Variants in PLA2G2C observed in about 807,000 individuals in gnomAD.
The protein encoded by PLA2G2C is phospholipase A2 group IIC.
In PLA2G2C, 15 loss-of-function variants were observed where a neutral mutation model predicts 14.3. That is an observed-to-expected ratio of 1.05 (90% CI 0.70 to 1.62). PLA2G2C has a LOEUF of 1.62. Ranked by LOEUF, PLA2G2C falls within the 40% of genes most tolerant of loss-of-function variation. The probability of loss-of-function intolerance (pLI) is 0.00; values close to 1 mark genes in which losing one functional copy is unlikely to be tolerated. For synonymous variants in PLA2G2C, 79 were observed against 67.7 expected, an observed-to-expected ratio of 1.17 and a Z score of -0.82; for missense variants, 162 against 173.2, an observed-to-expected ratio of 0.94 and a Z score of 0.36.
chr1:20,166,877 C>T (rs959795228), intron 4 of PLA2G2C, among the ~76,000 whole-genome samples: 1 of 152,202 alleles, frequency 6.6e-6, no homozygotes, highest in Non-Finnish European at 1.5e-5. Flanking sequence ...TGTGGCATTC[C>T]TCAACCATGG....
chr1:20,170,969 A>T lies in PLA2G2C; in HGVS notation c.283+1825T>A. Among the ~76,000 whole-genome samples, 2 of 140,542 alleles carry T rather than the reference A, an allele frequency of 1.4e-5. 1 individual carries two copies. 92.2% of individuals were successfully genotyped at this position (140,542 alleles called of 152,430 possible). ...CTCAACCTTTGCTCCACTCTCCCTC[A>T]TCTCCTGGGGTCCTGGGCTGGGAGG... On this transcript the variant is annotated intron_variant, in intron 4 of 4. Transcript: ENST00000679259.
At chr1:20,172,717 C>G in intron 4 of PLA2G2C, 77 bp downstream of exon 4, 12 of 1,254,024 alleles carry the variant, frequency 9.6e-6, no homozygotes, top group Non-Finnish European at 2.3e-6. Flanking sequence ...TCTAAAAGAT[C>G]TCTGGGTCAA....
At chr1:20,178,711 CAAAG>C (rs755701390) in intron 1 of PLA2G2C, among the ~76,000 whole-genome samples, 6 of 152,144 alleles carry the variant, frequency 3.9e-5, no homozygotes, top group Non-Finnish European at 8.8e-5. Context: ...TTTAGAGAAA[CAAAG>C]AAAGGGACCT....
At chr1:20,186,010 C>T (rs1557791967) in intron 1 of PLA2G2C, 1 of 151,446 alleles carries the variant, frequency 6.6e-6, no homozygotes, top group Non-Finnish European at 1.5e-5. Context: ...CACCCGACCC[C>T]ACCCGACCCC....
chr1:20,179,360 G>A (rs908603929), intron 1 of PLA2G2C, among the ~76,000 whole-genome samples: 1 of 151,792 alleles, frequency 6.6e-6, no homozygotes, highest in Non-Finnish European at 1.5e-5. Context: ...GGCTCTGTGC[G>A]TGTGTGTGTC....
Position 20,164,153 on chromosome 1 carries a change from T to A in PLA2G2C, c.288A>T (p.Gly96=), listed in dbSNP as rs144526343. The A allele has an allele frequency of 2.1e-5, 34 of 1,612,534 alleles. No homozygotes were observed. The African/African-American group carries it at 3.7e-4, about 18-fold the overall frequency. ...AGCTGGCACCAGGACCAAGGGTGCATCCACCTACAGAGACACAGAGGGTCA... is the reference window on the plus strand; with the variant it reads ...AGCTGGCACCAGGACCAAGGGTGCAACCACCTACAGAGACACAGAGGGTCA... ...FHIVNGAVVC[G]CTLGPGASCH... is the part of the protein sequence containing the mutation. Residue 96 remains glycine, a synonymous_variant, in exon 5 of 5, where the codon GGA becomes GGT. Transcript: ENST00000679259.
intron 4 of PLA2G2C, among the ~76,000 whole-genome samples, chr1:20,171,803 C>T (rs1260628402): frequency 6.8e-6 from 1 of 147,290 alleles, no homozygotes; most frequent in Non-Finnish European, 1.5e-5. Context: ...GCTCTGTGGC[C>T]CAGGCGGGAG....
rs6656531 is a variant in PLA2G2C at position 20,163,734 on chromosome 1, T to A, written c.*257A>T. On this transcript the variant is annotated 3_prime_UTR_variant, in exon 5 of 5. Coordinates refer to ENST00000679259, the MANE Select transcript of PLA2G2C (RefSeq NM_001367969.2). ...TACTTCTATATCCATGCATTTGTAG[T>A]CCTCCCCACTCCACAGAATGCCAGC... 4.5e-4 allele frequency: 214 copies of A among 474,456 alleles called. No homozygotes were observed. Among genetic ancestry groups the A allele is most frequent in the African/African-American group, 2.7e-3 (138 of 50,972 alleles). The allele number at this position is 474,456 out of a possible 1,614,324, so 29.4% of individuals were successfully genotyped here. A position where few individuals can be genotyped will look rare whatever the true frequency, so the allele number is the denominator to read the frequency against.
chr1:20,174,873 C>G, intron 3 of PLA2G2C, 134 bp downstream of exon 3: 2 of 930,230 alleles, frequency 2.2e-6, no homozygotes, highest in Non-Finnish European at 3.2e-6. Flanking sequence ...AAATCCCGTT[C>G]AGTTCTTCCT....
rs148509482 is a variant in PLA2G2C at position 20,178,162 on chromosome 1, C to T, written c.-76-723G>A. Reference sequence around the variant, plus strand: ...ATAGGTAGACACAGAATTCATATTCCGATTAGTATGGGTAATGATACCCAT... The same window carrying T: ...ATAGGTAGACACAGAATTCATATTCTGATTAGTATGGGTAATGATACCCAT... On this transcript the variant is annotated intron_variant, in intron 1 of 4. Coordinates refer to ENST00000679259, the MANE Select transcript of PLA2G2C (RefSeq NM_001367969.2). Among the ~76,000 whole-genome samples, 507 of 152,208 alleles carry T rather than the reference C, an allele frequency of 3.3e-3. 3 individuals carry two copies. The highest frequency in any genetic ancestry group is 0.011 in the African/African-American group (476 of 41,536).
chr1:20,164,001 G>C lies in PLA2G2C; in HGVS notation c.440C>G (p.Pro147Arg). ...SSQPRCGRHK[P>R]WC The stretch of plus-strand genomic sequence containing the variant: ...GACCCTGTGGTGTCCCTAGCACCAG[G>C]GCTTATGTCTGCCACACCTGGGCTG... The change falls in exon 5 of 5, where the codon CCC (proline) becomes CGC (arginine). Residue 147 changes from proline (P) to arginine (R), a missense_variant. Physicochemically the swap from Pro to Arg is moderately radical, Grantham distance 103. Coordinates refer to ENST00000679259, the MANE Select transcript of PLA2G2C (RefSeq NM_001367969.2). The C allele has an allele frequency of 1.2e-6, 2 of 1,612,880 alleles. No homozygotes were observed. Among genetic ancestry groups the C allele is most frequent in the Middle Eastern group, 1.6e-4 (1 of 6,062 alleles).
At chr1:20,186,128 G>A (rs767878764) in intron 1 of PLA2G2C, 3 of 152,550 alleles carry the variant, frequency 2.0e-5, no homozygotes, top group Non-Finnish European at 2.9e-5. Flanking sequence ...CCCGGGCGCA[G>A]GCGGCGGATG....
At chr1:20,175,272 A>G in intron 2 of PLA2G2C, 127 bp from the exon 3 acceptor site, 1 of 1,381,352 alleles carries the variant, frequency 7.2e-7, no homozygotes, top group Non-Finnish European at 1.0e-6. Flanking sequence ...AGCGAAGTGC[A>G]AGGGGCATGG....
intron 4 of PLA2G2C, among the ~76,000 whole-genome samples, chr1:20,166,026 C>G (rs1208878801): frequency 6.6e-6 from 1 of 152,198 alleles, no homozygotes; most frequent in Non-Finnish European, 1.5e-5. Flanking sequence ...TGACACTGTC[C>G]CATTCCTGGG....
intron 1 of PLA2G2C, among the ~76,000 whole-genome samples, chr1:20,179,493 G>GCA (rs2018242890): frequency 6.9e-6 from 1 of 145,224 alleles, no homozygotes; most frequent in South Asian, 2.2e-4. Flanking sequence ...TCTCCCTTTT[G>GCA]TGTCAGCTTC....
chr1:20,164,774 C>T (rs561461303), intron 4 of PLA2G2C, among the ~76,000 whole-genome samples: 5 of 152,362 alleles, frequency 3.3e-5, no homozygotes, highest in South Asian at 2.1e-4. Context: ...AACTAGGAGC[C>T]GACCTCGCTG....
chr1:20,175,109 C>T lies in PLA2G2C; in HGVS notation c.77G>A (p.Arg26Lys). Residue 26 changes from arginine to lysine, a missense_variant, in exon 3 of 5, where the codon AGG becomes AAG. Transcript: ENST00000679259. ...ACTTCGCCCCGTGATGTGTTTGACC[C>T]TCCTCTGAAACTGCCAGAAACTGCT... ...THSSFWQFQR[R>K]VKHITGRSAF... is the part of the protein sequence containing the mutation. 1 of 1,613,966 alleles carries T rather than the reference C, an allele frequency of 6.2e-7. No individual in the cohort carries two copies. The highest frequency in any genetic ancestry group is 1.1e-5 in the South Asian group (1 of 91,084).
chr1:20,177,517 C>T (rs2018208206), intron 1 of PLA2G2C, 78 bp from the exon 2 acceptor site: 1 of 504,672 alleles, frequency 2.0e-6, no homozygotes. Context: ...TTGGAAAGAC[C>T]TCAGCAGAGG....
chr1:20,177,555 T>G, intron 1 of PLA2G2C, 116 bp from the exon 2 acceptor site: 15 of 430,270 alleles, frequency 3.5e-5, no homozygotes, highest in East Asian at 7.3e-5. Flanking sequence ...TCAAATCTCA[T>G]TCCCTTTGAA....
Sources: gnomAD v4.1 joint callset for allele counts (sites outside exome capture counted in the v4.1 genomes callset) on GRCh38, gnomAD v4.1.1 for gene constraint, MANE v1.5 for transcripts, NCBI Gene and HGNC (gene_info 2026-07-23, HGNC 2026-07-21) for gene names.